Variants in MYH6 observed in about 807,000 individuals in gnomAD.
The protein encoded by MYH6 is myosin-6.
In MYH6, 126 loss-of-function variants were observed where a neutral mutation model predicts 223.2. The observed-to-expected ratio is 0.56, with a 90% confidence interval of 0.49 to 0.65. MYH6 has a LOEUF of 0.65. Ranked by LOEUF, MYH6 falls within the 30% of genes least tolerant of loss-of-function variation. The pLI, the probability that MYH6 is intolerant of heterozygous loss-of-function variation, is 0.00. For missense variants in MYH6, 2,040 were observed against 2,536.4 expected, an observed-to-expected ratio of 0.80 and a Z score of 4.20; for synonymous variants, 978 against 1,010.2, an observed-to-expected ratio of 0.97 and a Z score of 0.61.
chr14:23,385,965 A>G lies in MYH6; in HGVS notation c.5126T>C (p.Ile1709Thr), dbSNP rs760211456. 4 of 1,614,186 alleles carry G rather than the reference A, an allele frequency of 2.5e-6. No individual in the cohort carries two copies. The Admixed American group carries it at 6.7e-5, about 27-fold the overall frequency. Residue 1709 changes from isoleucine (I) to threonine (T), a missense_variant, in exon 34 of 39, where the codon ATT (isoleucine) becomes ACT (threonine). Around this residue, in one of 4 missense-constraint regions of MYH6, gnomAD observed 1,203 missense variants for 1,400.2 expected, o/e 0.86. Coordinates refer to ENST00000405093, the MANE Select transcript of MYH6 (RefSeq NM_002471.4). ...CAGCTGCACCCGCTCGCTGGTCTCA[A>G]TCAGCTCCTGCTCCGCCAGCTTCCG... ...RSRKLAEQEL[I>T]ETSERVQLLH...
intron 25 of MYH6, 37 bp from the exon 26 acceptor site, chr14:23,390,483 G>C: frequency 1.9e-6 from 3 of 1,605,788 alleles, no homozygotes; most frequent in Non-Finnish European, 2.5e-6. Context: ...CCACCGCCTG[G>C]ACCCCTCCAC....
In MYH6 at chr14:23,396,986, G is replaced by A. The variant is rs967795809; in HGVS notation, c.2145C>T (p.Ile715=). The part of the protein sequence containing the change: ...RICRKGFPNR[I]LYGDFRQRYR... ...ACCTCTGCCGGAAGTCCCCGTAGAG[G>A]ATGCGGTTGGGGAAGCCCTTCCTGC... Residue 715 remains isoleucine, a synonymous_variant, in exon 18 of 39, where the codon ATC becomes ATT. Coordinates refer to ENST00000405093, the MANE Select transcript of MYH6 (RefSeq NM_002471.4). 2 of 1,613,352 alleles carry A rather than the reference G, an allele frequency of 1.2e-6. No individual in the cohort carries two copies. Among genetic ancestry groups the A allele is most frequent in the Non-Finnish European group, 1.7e-6 (2 of 1,180,042 alleles).
rs747070258 is a variant in MYH6 at position 23,402,466 on chromosome 14, T to G, written c.1139A>C (p.Glu380Ala). Residue 380 changes from glutamate to alanine, a missense_variant and splice_region_variant, in exon 12 of 39, where the codon GAA becomes GCA. Glu to Ala is a moderately radical substitution (Grantham distance 107). Around this residue, in one of 4 missense-constraint regions of MYH6, gnomAD observed 649 missense variants for 877.3 expected, o/e 0.74. Coordinates refer to ENST00000405093, the MANE Select transcript of MYH6 (RefSeq NM_002471.4). ...REEQAEPDGT[E>A]DADKSAYLMG... ...GGCTGCCTGCCTGCCCCTCCCACCT[T>G]CGGTGCCGTCTGGCTCCGCCTGCTC... 8.7e-6 allele frequency: 14 copies of G among 1,612,776 alleles called. No individual in the cohort carries two copies. In the Admixed American group the frequency reaches 1.0e-4, roughly 12 times the overall value.
chr14:23,390,206 G>A lies in MYH6; in HGVS notation c.3583C>T (p.Arg1195Cys), dbSNP rs769756450. The A allele has an allele frequency of 1.9e-5, 30 of 1,601,362 alleles. No individual in the cohort carries two copies. Among genetic ancestry groups the A allele is most frequent in the East Asian group, 4.5e-5 (2 of 44,628 alleles). ...LQHEATAAAL[R>C]KKHADSVAEL... is the part of the protein sequence containing the mutation. Reference sequence around the variant, plus strand: ...GCCACGCTGTCGGCGTGCTTCTTGCGCAGGGCCGCGGCAGTGGCCTCGTGC... The same window carrying A: ...GCCACGCTGTCGGCGTGCTTCTTGCACAGGGCCGCGGCAGTGGCCTCGTGC... The change falls in exon 26 of 39, where the codon CGC becomes TGC. Residue 1195 changes from arginine (R) to cysteine (C), a missense_variant. Transcript: ENST00000405093.
chr14:23,403,979 G>C (rs1257949081), intron 8 of MYH6, among the ~76,000 whole-genome samples: 3 of 152,222 alleles, frequency 2.0e-5, no homozygotes, highest in Non-Finnish European at 4.4e-5. Flanking sequence ...CCTCGGCCCA[G>C]AGGGGAACAC....
chr14:23,400,738 G>A lies in MYH6; in HGVS notation c.1381C>T (p.Leu461=), dbSNP rs368609214. 2.2e-5 allele frequency: 35 copies of A among 1,614,240 alleles called. No individual in the cohort carries two copies. Among genetic ancestry groups the A allele is most frequent in the Admixed American group, 1.2e-4 (7 of 60,024 alleles). The change falls in exon 13 of 39, where the codon CTG becomes TTG. Residue 461 remains leucine (L), a synonymous_variant. Coordinates refer to ENST00000405093, the MANE Select transcript of MYH6 (RefSeq NM_002471.4). ...AAGATCTCGAAGCCAGCGATGTCCA[G>A]GACTCCTATGAAGTACTGGCGTGGC... The part of the protein sequence containing the change: ...KQPRQYFIGV[L]DIAGFEIFDF...
At chr14:23,382,673 C>A (rs10135780) in intron 37 of MYH6, 111 bp from the exon 38 acceptor site, 359,137 of 1,484,670 alleles carry the variant, frequency 0.24, 44,863 homozygotes, top group South Asian at 0.35. Context: ...ATACCTCATG[C>A]ATATTCCTGC....
rs763385109 is a variant in MYH6 at position 23,397,637 on chromosome 14, T to G, written c.1892-24A>C. 6.2e-6 allele frequency: 10 copies of G among 1,612,674 alleles called. No homozygotes were observed. The African/African-American group carries it at 1.3e-4, about 22-fold the overall frequency. On this transcript the variant is annotated intron_variant, in intron 15 of 38. Transcript: ENST00000405093. ...CCCTAAACAGCGAGAGGAGAAATAA[T>G]CAACAGGAGCTGGAAAATAAAGGAG...
intron 36 of MYH6, among the ~76,000 whole-genome samples, chr14:23,384,208 A>G (rs1024897974): frequency 1.3e-5 from 2 of 152,018 alleles, no homozygotes; most frequent in Admixed American, 1.3e-4. Context: ...AAAAAAAGAA[A>G]GAAAGAAACC....
Position 23,390,217 on chromosome 14 carries a change from G to A in MYH6, c.3572C>T (p.Ala1191Val). Residue 1191 changes from alanine to valine, a missense_variant, in exon 26 of 39, where the codon GCC becomes GTC. By Grantham distance (64) the Ala-to-Val change is moderately conservative (BLOSUM62 0). Around this residue, in one of 4 missense-constraint regions of MYH6, gnomAD observed 1,203 missense variants for 1,400.2 expected, o/e 0.86. Coordinates refer to ENST00000405093, the MANE Select transcript of MYH6 (RefSeq NM_002471.4). The stretch of plus-strand genomic sequence containing the variant: ...GGCGTGCTTCTTGCGCAGGGCCGCG[G>A]CAGTGGCCTCGTGCTGCAGCGTGGC... ...EEATLQHEAT[A>V]AALRKKHADS... 1 of 1,596,894 alleles carries A rather than the reference G, an allele frequency of 6.3e-7. No homozygotes were observed. The highest frequency in any genetic ancestry group is 8.5e-7 in the Non-Finnish European group (1 of 1,169,600).
chr14:23,396,942 C>A (rs1263156647), intron 18 of MYH6, 21 bp downstream of exon 18: 1 of 1,612,360 alleles, frequency 6.2e-7, no homozygotes, highest in Non-Finnish European at 8.5e-7. Flanking sequence ...TCTATGAGCT[C>A]TGGGGCACCC....
In MYH6 at chr14:23,390,225, C is replaced by T; in HGVS notation, c.3564G>A (p.Glu1188=). The T allele has an allele frequency of 1.3e-6, 2 of 1,592,806 alleles. No homozygotes were observed. The highest frequency in any genetic ancestry group is 1.7e-6 in the Non-Finnish European group (2 of 1,167,450). The change falls in exon 26 of 39, where the codon GAG becomes GAA. Residue 1188 remains glutamate (E), a synonymous_variant. Transcript: ENST00000405093. ...RDLEEATLQH[E]ATAAALRKKH... The stretch of plus-strand genomic sequence containing the variant: ...TCTTGCGCAGGGCCGCGGCAGTGGC[C>T]TCGTGCTGCAGCGTGGCCTCCTCCA...
rs1413721529 is a variant in MYH6, at chr14:23,394,339, G to A, written c.2430-16C>T. The stretch of plus-strand genomic sequence containing the variant: ...CAGGGCATCCCTGGCAAGGAAACGT[G>A]GAGGCAGGGTGGGGCACTATAAAAG... On this transcript the variant is annotated splice_polypyrimidine_tract_variant and intron_variant, in intron 20 of 38. Transcript: ENST00000405093. 1.9e-6 allele frequency: 3 copies of A among 1,614,116 alleles called. No individual in the cohort carries two copies. The highest frequency in any genetic ancestry group is 2.5e-6 in the Non-Finnish European group (3 of 1,180,034).
chr14:23,388,187 C>T lies in MYH6; in HGVS notation c.4327G>A (p.Ala1443Thr). The change falls in exon 30 of 39, where the codon GCC (alanine) becomes ACC (threonine). Residue 1443 changes from alanine to threonine, a missense_variant. Around this residue, in one of 4 missense-constraint regions of MYH6, gnomAD observed 1,203 missense variants for 1,400.2 expected, o/e 0.86. Coordinates refer to ENST00000405093, the MANE Select transcript of MYH6 (RefSeq NM_002471.4). ...AAGTTTCTCTGCTTCTTGTCCAGGG[C>T]TGCAGCAGCAGCATTGGAGCGCTCT... ...DVERSNAAAA[A>T]LDKKQRNFDK... 1 of 1,612,372 alleles carries T rather than the reference C, an allele frequency of 6.2e-7. No homozygotes were observed. The highest frequency in any genetic ancestry group is 1.7e-5 in the Admixed American group (1 of 60,032).
At chr14:23,387,428 TGAA>T in intron 32 of MYH6, 98 bp downstream of exon 32, 1 of 1,561,232 alleles carries the variant, frequency 6.4e-7, no homozygotes, top group Middle Eastern at 2.3e-4. Flanking sequence ...GAATATGGAA[TGAA>T]TAGATTTTGT....
At position 23,407,706 on chromosome 14, in the gene MYH6, G is replaced by A. The variant is rs1891832466; in HGVS notation, c.-46-98C>T. The A allele has an allele frequency of 2.2e-6, 2 of 896,168 alleles. No individual in the cohort carries two copies. The highest frequency in any genetic ancestry group is 1.8e-5 in the African/African-American group (1 of 56,212). 55.5% of individuals were successfully genotyped at this position (896,168 alleles called of 1,614,324 possible). On this transcript the variant is annotated intron_variant, in intron 1 of 38. Transcript: ENST00000405093. The surrounding 1 kb of genome is among the most constrained non-coding windows in gnomAD (Gnocchi z 5.6). Reference sequence around the variant, plus strand: ...GAACAACAGAGGCAGGCCACCCGGGGATGGAGGCAGCCCCAGAGCGCAGAC... The same window carrying A: ...GAACAACAGAGGCAGGCCACCCGGGAATGGAGGCAGCCCCAGAGCGCAGAC...
intron 35 of MYH6, 48 bp from the exon 36 acceptor site, chr14:23,384,765 C>A (rs748655414): frequency 6.8e-6 from 11 of 1,613,974 alleles, no homozygotes; most frequent in South Asian, 2.2e-5. Flanking sequence ...GGGGCCGGGG[C>A]CTTTTGCCCC....
chr14:23,399,369 G>A (rs144073420), intron 14 of MYH6, among the ~76,000 whole-genome samples: 1,849 of 152,296 alleles, frequency 0.012, 14 homozygotes, highest in Non-Finnish European at 0.017. Context: ...GTGTGTCAGA[G>A]GCACCGGGCC....
At position 23,390,144 on chromosome 14, in the gene MYH6, C is replaced by T. The variant is rs936551123; in HGVS notation, c.3645G>A (p.Val1215=). 6.2e-7 allele frequency: 1 copy of T among 1,611,466 alleles called. No homozygotes were observed. The highest frequency in any genetic ancestry group is 8.5e-7 in the Non-Finnish European group (1 of 1,179,222). ...LGEQIDNLQR[V]KQKLEKEKSE... is the part of the protein sequence containing the mutation. ...TCTTCTCCTTCTCCAGCTTCTGCTT[C>T]ACCCGCTGCAGGTTGTCGATCTGCT... Residue 1215 remains valine, a synonymous_variant, in exon 26 of 39, where the codon GTG becomes GTA. Coordinates refer to ENST00000405093, the MANE Select transcript of MYH6 (RefSeq NM_002471.4).
Sources: gnomAD v4.1 joint callset for allele counts (sites outside exome capture counted in the v4.1 genomes callset) on GRCh38, gnomAD v4.1.1 for gene constraint, gnomAD v4.1.1 regional missense constraint, Gnocchi (gnomAD v3.1) non-coding constraint, MANE v1.5 for transcripts, NCBI Gene and HGNC (gene_info 2026-07-23, HGNC 2026-07-21) for gene names.